SOX6: variants seen among roughly 807,000 people sequenced by gnomAD.
The protein encoded by SOX6 is transcription factor SOX-6.
In SOX6, 11 loss-of-function variants were observed where a neutral mutation model predicts 97.8. That is an observed-to-expected ratio of 0.11 (90% CI 0.07 to 0.19). The LOEUF (loss-of-function observed/expected upper bound fraction) is 0.19. Ranked by LOEUF, SOX6 falls within the 10% of genes least tolerant of loss-of-function variation. The pLI, the probability that SOX6 is intolerant of heterozygous loss-of-function variation, is 1.00. For missense variants in SOX6, 810 were observed against 1,039.5 expected (o/e 0.78, Z 3.04); for synonymous variants, 360 against 371.4 (o/e 0.97, Z 0.35).
At chr11:16,245,834 C>T (rs187202185) in intron 3 of SOX6, among the ~76,000 whole-genome samples, 27 of 151,280 alleles carry the variant, frequency 1.8e-4, no homozygotes, top group Middle Eastern at 4.6e-3. Context: ...TATTATGTCT[C>T]TTGTAGTTAG....
chr11:16,299,789 C>T (rs1022363502), intron 3 of SOX6, among the ~76,000 whole-genome samples: 3 of 151,844 alleles, frequency 2.0e-5, no homozygotes, highest in African/African-American at 7.3e-5. Context: ...TATTCTACAC[C>T]AGGAAAGGCC....
Position 16,228,202 on chromosome 11 carries a change from G to GAA in SOX6, c.535+6378_535+6379dup, listed in dbSNP as rs35853241. 5.0e-4 allele frequency among the ~76,000 whole-genome samples: 73 copies of GAA among 145,782 alleles called. 1 individual carries two copies. The highest frequency in any genetic ancestry group is 3.6e-3 in the Middle Eastern group (1 of 274). ...GACAGAACAAGACCCCATCTCAAAA[G>GAA]AAAAAAAAAAAATGAGACCCCAACT... On this transcript the variant is annotated intron_variant, in intron 4 of 15. Transcript: ENST00000683767.
chr11:15,987,739 T>G (rs949965345), intron 14 of SOX6, among the ~76,000 whole-genome samples: 9 of 151,258 alleles, frequency 6.0e-5, no homozygotes, highest in Non-Finnish European at 1.2e-4. Flanking sequence ...AAAATGTATG[T>G]CCACTAGGAA....
At chr11:16,639,958 T>C (rs1044707701) in intron 3 of SOX6, among the ~76,000 whole-genome samples, 1 of 151,790 alleles carries the variant, frequency 6.6e-6, no homozygotes, top group Non-Finnish European at 1.5e-5. Context: ...TGAATAGGAG[T>C]GGTGAGAGAG....
At chr11:16,132,402 AAAGAAAGAAAG>A (rs1564972351) in intron 6 of SOX6, among the ~76,000 whole-genome samples, 7 of 33,378 alleles carry the variant, frequency 2.1e-4, no homozygotes, top group African/African-American at 9.3e-4. Context: ...AAGAAAGAAA[AAAGAAAGAAAG>A]AAAGAAAGAA....
At chr11:16,340,391 T>C (rs1049885327) in intron 2 of SOX6, among the ~76,000 whole-genome samples, 2 of 152,118 alleles carry the variant, frequency 1.3e-5, no homozygotes, top group Non-Finnish European at 2.9e-5. Context: ...TGGTTAGAGA[T>C]GGAATTTAAC....
At position 15,972,534 on chromosome 11, in the gene SOX6, C is replaced by T. The variant is rs1172543882; in HGVS notation, c.*275G>A. On this transcript the variant is annotated 3_prime_UTR_variant, in exon 16 of 16. Coordinates refer to ENST00000683767, the MANE Select transcript of SOX6 (RefSeq NM_001367873.1). ...AAATATAAGACTTGTAAGACATCTA[C>T]GGGTTGAGATAAGTTTCAAGTCCTG... 25 of 473,252 alleles carry T rather than the reference C, an allele frequency of 5.3e-5. No homozygotes were observed. Among genetic ancestry groups the T allele is most frequent in the East Asian group, 7.6e-5 (2 of 26,250 alleles). 29.3% of individuals were successfully genotyped at this position (473,252 alleles called of 1,614,324 possible).
intron 1 of SOX6, among the ~76,000 whole-genome samples, chr11:16,424,632 A>T (rs1859089310): frequency 6.6e-6 from 1 of 152,224 alleles, no homozygotes; most frequent in African/African-American, 2.4e-5. Flanking sequence ...TTTAAGTGGC[A>T]AAAGAACATG....
chr11:16,376,795 T>C (rs949305900), intron 1 of SOX6, among the ~76,000 whole-genome samples: 2 of 152,178 alleles, frequency 1.3e-5, no homozygotes, highest in South Asian at 2.1e-4. Flanking sequence ...TACTGCACTA[T>C]AGATAGAACA....
intron 4 of SOX6, among the ~76,000 whole-genome samples, chr11:16,524,771 A>G (rs1861128617): frequency 1.3e-5 from 2 of 152,248 alleles, no homozygotes; most frequent in South Asian, 4.1e-4. Context: ...CTGATAAGCA[A>G]CTTCAGCAAA....
intron 3 of SOX6, among the ~76,000 whole-genome samples, chr11:16,252,189 C>T (rs928898647): frequency 6.6e-6 from 1 of 152,164 alleles, no homozygotes; most frequent in Non-Finnish European, 1.5e-5. Flanking sequence ...TCGTAGACTT[C>T]CCGTTTCCAG....
At chr11:16,276,397 G>A (rs1253675022) in intron 3 of SOX6, among the ~76,000 whole-genome samples, 2 of 152,136 alleles carry the variant, frequency 1.3e-5, no homozygotes, top group African/African-American at 4.8e-5. Flanking sequence ...TGAGAAACTG[G>A]AAAATCAAAA....
At chr11:16,210,117 C>T (rs929660307) in intron 4 of SOX6, among the ~76,000 whole-genome samples, 2 of 151,970 alleles carry the variant, frequency 1.3e-5, no homozygotes, top group African/African-American at 4.8e-5. Context: ...ACTAGATGAC[C>T]CAGCAATTCC....
At chr11:16,460,060 G>A (rs1305498835) in intron 1 of SOX6, among the ~76,000 whole-genome samples, 3 of 151,822 alleles carry the variant, frequency 2.0e-5, no homozygotes, top group Non-Finnish European at 4.4e-5. Context: ...GGGGAAAAAA[G>A]CAGCCAGAGG....
At chr11:16,452,207 T>C (rs1449935028) in intron 1 of SOX6, among the ~76,000 whole-genome samples, 1 of 152,108 alleles carries the variant, frequency 6.6e-6, no homozygotes, top group Non-Finnish European at 1.5e-5. Flanking sequence ...TAACATGTGG[T>C]ATTTTATCAA....
At chr11:16,317,482 T>C (rs1017579846) in intron 3 of SOX6, 3 of 152,166 alleles carry the variant, frequency 2.0e-5, no homozygotes, top group African/African-American at 4.8e-5. Context: ...TCTACTGTAT[T>C]ATGACCCTAG....
intron 4 of SOX6, among the ~76,000 whole-genome samples, chr11:16,566,963 T>C (rs992885279): frequency 6.6e-6 from 1 of 152,228 alleles, no homozygotes. Context: ...CAAACTGTGG[T>C]ACATATCATG....
At chr11:16,564,613 G>A (rs994649439) in intron 4 of SOX6, among the ~76,000 whole-genome samples, 3 of 151,992 alleles carry the variant, frequency 2.0e-5, no homozygotes, top group African/African-American at 7.3e-5. Flanking sequence ...TACAGAGCAT[G>A]TTCTCTGACC....
intron 12 of SOX6, among the ~76,000 whole-genome samples, chr11:16,019,197 G>T (rs1405882199): frequency 6.6e-6 from 1 of 152,014 alleles, no homozygotes; most frequent in Non-Finnish European, 1.5e-5. Context: ...ATTTCAACAT[G>T]GTCCCCTTTG....
Sources: gnomAD v4.1 joint callset for allele counts (sites outside exome capture counted in the v4.1 genomes callset) on GRCh38, gnomAD v4.1.1 for gene constraint, MANE v1.5 for transcripts, NCBI Gene and HGNC (gene_info 2026-07-23, HGNC 2026-07-21) for gene names.